The following GPR149 variants were observed in gnomAD, a reference collection of about 807,000 sequenced individuals.
GPR149 encodes the protein probable G protein-coupled receptor 149.
GPR149 carries 50 observed loss-of-function variants against 50.2 expected under a neutral mutation model. That is an observed-to-expected ratio of 1.00 (90% CI 0.79 to 1.26). GPR149 has a LOEUF of 1.26. Among genes scored for constraint, GPR149 ranks in the 50% most tolerant of loss-of-function variants. The pLI, the probability that GPR149 is intolerant of heterozygous loss-of-function variation, is 0.00. For missense variants in GPR149, 983 were observed against 895.4 expected, an observed-to-expected ratio of 1.10 and a Z score of -1.25; for synonymous variants, 405 against 358.2, an observed-to-expected ratio of 1.13 and a Z score of -1.48.
At chr3:154,386,988 T>C (rs1329268564) in intron 3 of GPR149, among the ~76,000 whole-genome samples, 1 of 152,126 alleles carries the variant, frequency 6.6e-6, no homozygotes, top group East Asian at 1.9e-4. Flanking sequence ...TTTTTCCCTA[T>C]TAAGGGAAAT....
At chr3:154,366,132 A>G (rs1326144168) in intron 3 of GPR149, among the ~76,000 whole-genome samples, 1 of 152,204 alleles carries the variant, frequency 6.6e-6, no homozygotes, top group Non-Finnish European at 1.5e-5. Context: ...TGGGCCAAAC[A>G]GACCCCTAGA....
At chr3:154,357,127 C>A (rs565725380) in intron 3 of GPR149, among the ~76,000 whole-genome samples, 8 of 152,098 alleles carry the variant, frequency 5.3e-5, no homozygotes, top group South Asian at 4.1e-4. Context: ...CTGGCTAGCC[C>A]TATGTAGAAA....
intron 1 of GPR149, 53 bp downstream of exon 1, chr3:154,428,582 A>C (rs1576934552): frequency 6.4e-7 from 1 of 1,555,976 alleles, no homozygotes; most frequent in East Asian, 2.3e-5. Context: ...CCCAACACTC[A>C]TTTACACTGT....
chr3:154,353,656 C>T (rs1176842632), intron 3 of GPR149: 5 of 1,369,450 alleles, frequency 3.7e-6, no homozygotes, highest in Non-Finnish European at 5.2e-6. Context: ...TCTTTGGCTA[C>T]TTGGTTTGCC....
At chr3:154,391,108 A>G (rs944448440) in intron 3 of GPR149, among the ~76,000 whole-genome samples, 5 of 152,134 alleles carry the variant, frequency 3.3e-5, no homozygotes, top group Non-Finnish European at 7.4e-5. Flanking sequence ...AACAGCAATA[A>G]TAAAATATAT....
chr3:154,421,526 GTAGA>G, intron 2 of GPR149, 39 bp from the exon 3 acceptor site: 3 of 1,105,694 alleles, frequency 2.7e-6, no homozygotes, highest in Non-Finnish European at 3.8e-6. Flanking sequence ...GGCTAGTAAG[GTAGA>G]TAAAGACAAC....
intron 3 of GPR149, among the ~76,000 whole-genome samples, chr3:154,351,654 G>C (rs998560377): frequency 6.6e-6 from 1 of 152,144 alleles, no homozygotes; most frequent in African/African-American, 2.4e-5. Flanking sequence ...GAAGCTGCTG[G>C]TGTAGGAACC....
intron 2 of GPR149, among the ~76,000 whole-genome samples, chr3:154,423,017 T>G (rs1371396909): frequency 6.8e-6 from 1 of 147,310 alleles, no homozygotes; most frequent in Non-Finnish European, 1.5e-5. Context: ...AATTGATGTC[T>G]ATGACTATAA....
intron 3 of GPR149, among the ~76,000 whole-genome samples, chr3:154,362,968 C>T (rs1290317304): frequency 6.6e-6 from 1 of 152,106 alleles, no homozygotes; most frequent in Non-Finnish European, 1.5e-5. Context: ...CTTGAAAATG[C>T]ACATTAGCAG....
Position 154,429,981 on chromosome 3 carries a change from G to T in GPR149, c.-366C>A, listed in dbSNP as rs1249185434. Reference sequence around the variant, plus strand: ...AACCAATGATGTCTGGATCCTTTGGGGTCCTTCTTATGGAGCAAAGCAGCT... The same window carrying T: ...AACCAATGATGTCTGGATCCTTTGGTGTCCTTCTTATGGAGCAAAGCAGCT... On this transcript the variant is annotated 5_prime_UTR_variant, in exon 1 of 4. Coordinates refer to ENST00000389740, the MANE Select transcript of GPR149 (RefSeq NM_001038705.3). Among the ~76,000 whole-genome samples the T allele has an allele frequency of 6.6e-6, 1 of 152,038 alleles. No individual in the cohort carries two copies. The highest frequency in any genetic ancestry group is 6.6e-5 in the Admixed American group (1 of 15,262).
chr3:154,394,686 A>G (rs1715250200), intron 3 of GPR149, among the ~76,000 whole-genome samples: 1 of 152,178 alleles, frequency 6.6e-6, no homozygotes, highest in Admixed American at 6.5e-5. Flanking sequence ...TTTTCAGAAT[A>G]TATAAGGAAC....
At chr3:154,344,670 G>A (rs1004745348) in intron 3 of GPR149, among the ~76,000 whole-genome samples, 18 of 152,136 alleles carry the variant, frequency 1.2e-4, no homozygotes, top group African/African-American at 4.3e-4. Flanking sequence ...GTCATGTGAA[G>A]ATGCAGATAA....
chr3:154,420,906 C>CATGGAA, intron 3 of GPR149, 133 bp downstream of exon 3: 1 of 651,254 alleles, frequency 1.5e-6, no homozygotes, highest in Non-Finnish European at 2.6e-6. Context: ...AATTAAATAG[C>CATGGAA]ATGGAAATTA....
intron 3 of GPR149, among the ~76,000 whole-genome samples, chr3:154,399,993 T>C (rs1711510909): frequency 6.6e-6 from 1 of 152,150 alleles, no homozygotes; most frequent in Non-Finnish European, 1.5e-5. Context: ...TTATTATTAT[T>C]ATTATTATTT....
intron 3 of GPR149, among the ~76,000 whole-genome samples, chr3:154,414,534 A>G (rs1711933481): frequency 1.3e-5 from 2 of 151,992 alleles, no homozygotes. Context: ...TCATAACCTC[A>G]AAATGTCTCT....
intron 3 of GPR149, among the ~76,000 whole-genome samples, chr3:154,413,516 A>T (rs1711899283): frequency 6.6e-6 from 1 of 152,154 alleles, no homozygotes; most frequent in Non-Finnish European, 1.5e-5. Context: ...CAATTCTCAA[A>T]AGAGGATATA....
At chr3:154,383,045 A>G (rs577647806) in intron 3 of GPR149, among the ~76,000 whole-genome samples, 52 of 152,176 alleles carry the variant, frequency 3.4e-4, no homozygotes, top group Non-Finnish European at 6.5e-4. Context: ...AGCCTAGGAC[A>G]TAGTGCCTGT....
intron 3 of GPR149, among the ~76,000 whole-genome samples, chr3:154,406,741 G>A (rs1216666093): frequency 6.6e-6 from 1 of 152,138 alleles, no homozygotes; most frequent in Non-Finnish European, 1.5e-5. Context: ...TAAACTATAT[G>A]AGTGGTTACT....
At chr3:154,353,660 G>T in intron 3 of GPR149, 1 of 1,364,780 alleles carries the variant, frequency 7.3e-7, no homozygotes, top group Non-Finnish European at 1.0e-6. Flanking sequence ...TGGCTACTTG[G>T]TTTGCCAGTT....
Sources: allele counts gnomAD v4.1 joint callset (sites outside exome capture counted in the v4.1 genomes callset), GRCh38; gene constraint gnomAD v4.1.1; transcripts MANE v1.5; gene names NCBI Gene and HGNC (gene_info 2026-07-23, HGNC 2026-07-21).